CCSER1: variants seen among roughly 807,000 people sequenced by gnomAD.
CCSER1 encodes the protein coiled-coil serine rich protein 1, also known as serine-rich coiled-coil domain-containing protein 1.
In CCSER1, 41 loss-of-function variants were observed where a neutral mutation model predicts 82.0. The observed-to-expected ratio is 0.50, with a 90% confidence interval of 0.39 to 0.65. CCSER1 has a LOEUF of 0.65. CCSER1 is among the 30% of genes least tolerant of loss of function. The pLI is 0.00. For synonymous variants in CCSER1, 414 were observed against 383.9 expected (o/e 1.08, Z -0.92); for missense variants, 1,119 against 1,064.2 (o/e 1.05, Z -0.72).
At chr4:90,357,162 A>C (rs903278692) in intron 3 of CCSER1, among the ~76,000 whole-genome samples, 2 of 151,916 alleles carry the variant, frequency 1.3e-5, no homozygotes, top group African/African-American at 4.8e-5. Flanking sequence ...ATATTACATA[A>C]CTGTGCAAAA....
intron 7 of CCSER1, among the ~76,000 whole-genome samples, chr4:90,809,340 A>G (rs1404410797): frequency 5.4e-5 from 8 of 148,940 alleles, no homozygotes; most frequent in East Asian, 2.0e-4. Flanking sequence ...ACACACACAC[A>G]CGCACACACA....
chr4:90,819,525 C>A (rs1309566623), intron 8 of CCSER1, among the ~76,000 whole-genome samples: 2 of 151,934 alleles, frequency 1.3e-5, no homozygotes, highest in African/African-American at 4.8e-5. Flanking sequence ...TGCCTTAATT[C>A]TTTTTTATTG....
At chr4:90,834,854 A>G (rs1396751343) in intron 8 of CCSER1, among the ~76,000 whole-genome samples, 1 of 152,216 alleles carries the variant, frequency 6.6e-6, no homozygotes, top group East Asian at 1.9e-4. Flanking sequence ...GAATACTTAC[A>G]GTTATTGAGC....
intron 1 of CCSER1, among the ~76,000 whole-genome samples, chr4:90,275,278 A>G (rs562928375): frequency 6.6e-6 from 1 of 152,144 alleles, no homozygotes; most frequent in Admixed American, 6.5e-5. Context: ...ATGCAGTCAC[A>G]TAAGTGTGAC....
chr4:90,195,079 T>A (rs1248453592), intron 1 of CCSER1, among the ~76,000 whole-genome samples: 3 of 152,080 alleles, frequency 2.0e-5, no homozygotes, highest in Non-Finnish European at 4.4e-5. Context: ...CATATTTCAA[T>A]AAAAGGGAAG....
At chr4:91,335,403 G>T (rs938287102) in intron 10 of CCSER1, among the ~76,000 whole-genome samples, 1 of 152,092 alleles carries the variant, frequency 6.6e-6, no homozygotes, top group African/African-American at 2.4e-5. Flanking sequence ...ACAGCGGGAA[G>T]GGTGGCTGTG....
chr4:91,522,556 T>C (rs1017464880), intron 10 of CCSER1, among the ~76,000 whole-genome samples: 1 of 152,216 alleles, frequency 6.6e-6, no homozygotes, highest in Non-Finnish European at 1.5e-5. Context: ...CGTTGAGCAG[T>C]GGTTTGCAGT....
intron 10 of CCSER1, among the ~76,000 whole-genome samples, chr4:91,167,685 A>G (rs1364542934): frequency 1.3e-5 from 2 of 152,310 alleles, no homozygotes; most frequent in East Asian, 3.9e-4. Context: ...TGACTTCTAG[A>G]ACTGAGGAAA....
chr4:91,439,782 A>G (rs1262925238), intron 10 of CCSER1, among the ~76,000 whole-genome samples: 1 of 152,154 alleles, frequency 6.6e-6, no homozygotes, highest in Non-Finnish European at 1.5e-5. Flanking sequence ...TACCAAGCAA[A>G]TGGAAAACAA....
chr4:91,227,521 A>T (rs987849216), intron 10 of CCSER1, among the ~76,000 whole-genome samples: 1 of 150,318 alleles, frequency 6.7e-6, no homozygotes, highest in Non-Finnish European at 1.5e-5. Context: ...GTTTATTTTA[A>T]TTTTTTTTTA....
chr4:90,607,839 C>T (rs1362690696), intron 5 of CCSER1, among the ~76,000 whole-genome samples: 1 of 152,138 alleles, frequency 6.6e-6, no homozygotes, highest in Non-Finnish European at 1.5e-5. Context: ...TGAAATTCAA[C>T]TTGCCTTTTC....
intron 1 of CCSER1, among the ~76,000 whole-genome samples, chr4:90,255,530 A>C (rs1723127601): frequency 6.6e-6 from 1 of 152,194 alleles, no homozygotes; most frequent in Non-Finnish European, 1.5e-5. Flanking sequence ...AGCTTAGTTT[A>C]CAGTTTGACA....
At chr4:90,365,153 G>A (rs1438835892) in intron 3 of CCSER1, among the ~76,000 whole-genome samples, 1 of 151,864 alleles carries the variant, frequency 6.6e-6, no homozygotes, top group African/African-American at 2.4e-5. Flanking sequence ...GAAGTTTAGT[G>A]TGTGCTTTAG....
At position 90,135,872 on chromosome 4, in the gene CCSER1, A is replaced by G. The variant is rs1219065550; in HGVS notation, c.-42+8041A>G. 2.0e-5 allele frequency among the ~76,000 whole-genome samples: 3 copies of G among 152,356 alleles called. No homozygotes were observed. The East Asian group carries it at 5.8e-4, about 29-fold the overall frequency. On this transcript the variant is annotated intron_variant, in intron 1 of 10. Transcript: ENST00000509176. ...TATCTTAAAGTATAAATTACCAATAACTTATGGTGTTTACTGAACAGCTTA... is the reference window on the plus strand; with the variant it reads ...TATCTTAAAGTATAAATTACCAATAGCTTATGGTGTTTACTGAACAGCTTA...
chr4:91,139,216 T>G (rs181785716), intron 10 of CCSER1, among the ~76,000 whole-genome samples: 1 of 152,308 alleles, frequency 6.6e-6, no homozygotes, highest in Admixed American at 6.5e-5. Context: ...CATGATGTTT[T>G]CATTCTTTTT....
chr4:91,436,294 A>G (rs1754644226), intron 10 of CCSER1, among the ~76,000 whole-genome samples: 1 of 152,174 alleles, frequency 6.6e-6, no homozygotes, highest in Admixed American at 6.5e-5. Context: ...GGTAATATAT[A>G]TAAATCACAC....
chr4:91,595,098 C>G (rs1309426067), intron 10 of CCSER1, among the ~76,000 whole-genome samples: 1 of 151,910 alleles, frequency 6.6e-6, no homozygotes, highest in African/African-American at 2.4e-5. Flanking sequence ...TACTATAGCC[C>G]TTCCCAGGGC....
At chr4:90,217,650 G>A (rs966510613) in intron 1 of CCSER1, among the ~76,000 whole-genome samples, 3 of 152,154 alleles carry the variant, frequency 2.0e-5, no homozygotes, top group Non-Finnish European at 4.4e-5. Flanking sequence ...AGTGGTGAGA[G>A]TAGGCATTTT....
intron 6 of CCSER1, among the ~76,000 whole-genome samples, chr4:90,633,584 T>C (rs1228418137): frequency 6.6e-6 from 1 of 151,980 alleles, no homozygotes; most frequent in Non-Finnish European, 1.5e-5. Context: ...TACTCACTCT[T>C]TTCACACAGA....
Sources: gnomAD v4.1 joint callset for allele counts (sites outside exome capture counted in the v4.1 genomes callset) on GRCh38, gnomAD v4.1.1 for gene constraint, MANE v1.5 for transcripts, NCBI Gene and HGNC (gene_info 2026-07-23, HGNC 2026-07-21) for gene names.